The following PLXNA4 variants were observed in gnomAD, a reference collection of about 807,000 sequenced individuals.
PLXNA4 encodes the protein plexin-A4.
PLXNA4 carries 44 observed loss-of-function variants against 191.8 expected under a neutral mutation model. The ratio of observed to expected loss-of-function variants is 0.23; its 90% CI spans 0.18 to 0.29. The LOEUF is 0.29. PLXNA4 is among the 10% of genes least tolerant of loss of function. The pLI is 1.00. For missense variants in PLXNA4, 1,800 were observed against 2,488.8 expected (o/e 0.72, Z 5.89); for synonymous variants, 1,082 against 1,009.5 (o/e 1.07, Z -1.36).
intron 1 of PLXNA4, among the ~76,000 whole-genome samples, chr7:132,570,396 C>T (rs542468660): frequency 1.4e-4 from 21 of 152,318 alleles, no homozygotes; most frequent in Admixed American, 6.5e-4. Flanking sequence ...AGAACGGAAG[C>T]AATCCACCAG....
At chr7:132,341,399 T>G (rs1331076366) in intron 3 of PLXNA4, among the ~76,000 whole-genome samples, 3 of 152,204 alleles carry the variant, frequency 2.0e-5, no homozygotes, top group Non-Finnish European at 4.4e-5. Context: ...TAAGAAGCAT[T>G]CAATTTCAGA....
At chr7:132,166,208 A>G (rs1796118400) in intron 22 of PLXNA4, among the ~76,000 whole-genome samples, 1 of 151,314 alleles carries the variant, frequency 6.6e-6, no homozygotes, top group Non-Finnish European at 1.5e-5. Context: ...AAACAAACGA[A>G]CAAAGAAACA....
chr7:132,515,387 A>T (rs1414609358), intron 1 of PLXNA4, among the ~76,000 whole-genome samples: 1 of 152,060 alleles, frequency 6.6e-6, no homozygotes, highest in Non-Finnish European at 1.5e-5. Flanking sequence ...GTCAAAAAAA[A>T]TTTTTCCCCT....
chr7:132,241,516 A>G (rs1468500323), intron 4 of PLXNA4, among the ~76,000 whole-genome samples: 1 of 152,152 alleles, frequency 6.6e-6, no homozygotes, highest in Admixed American at 6.5e-5. Context: ...TTCATCATGT[A>G]TTTGTTTCCT....
In PLXNA4 at chr7:132,448,073, C is replaced by T. The variant is rs182571976; in HGVS notation, c.1371+41219G>A. On this transcript the variant is annotated intron_variant, in intron 3 of 31. Coordinates refer to ENST00000321063, the MANE Select transcript of PLXNA4 (RefSeq NM_020911.2). ...AAACGTATAGCATCTCTCACACCTT[C>T]TAGCTTCTGTCTCTGATAAGTACAT... is the stretch of plus-strand genomic sequence containing the variant. Among the ~76,000 whole-genome samples the T allele has an allele frequency of 3.3e-5, 5 of 152,296 alleles. 1 individual carries two copies. Among genetic ancestry groups the T allele is most frequent in the Admixed American group, 3.3e-4 (5 of 15,292 alleles).
chr7:132,514,410 T>A (rs1324562489), intron 1 of PLXNA4, among the ~76,000 whole-genome samples: 2 of 152,184 alleles, frequency 1.3e-5, no homozygotes, highest in African/African-American at 4.8e-5. Context: ...GATGTAAATA[T>A]GTGTGATGTA....
At chr7:132,536,041 T>C (rs1799818360) in intron 1 of PLXNA4, among the ~76,000 whole-genome samples, 1 of 152,224 alleles carries the variant, frequency 6.6e-6, no homozygotes, top group Non-Finnish European at 1.5e-5. Context: ...CATGCCAAAC[T>C]TGGAGAAAAA....
intron 7 of PLXNA4, 72 bp from the exon 8 acceptor site, chr7:132,226,332 C>A: frequency 2.2e-6 from 3 of 1,341,724 alleles, no homozygotes; most frequent in South Asian, 1.2e-5. Context: ...ACCAGTGACA[C>A]CTGCTGGAAA....
intron 1 of PLXNA4, among the ~76,000 whole-genome samples, chr7:132,567,852 C>T (rs1219297243): frequency 6.6e-6 from 1 of 152,168 alleles, no homozygotes; most frequent in African/African-American, 2.4e-5. Context: ...GAAGCAGGGG[C>T]TGACCCTACC....
intron 4 of PLXNA4, among the ~76,000 whole-genome samples, chr7:132,259,436 C>CAAAAAAAAAA: frequency 3.1e-3 from 105 of 33,866 alleles, no homozygotes; most frequent in East Asian, 7.4e-3. Context: ...AACTCCAACT[C>CAAAAAAAAAA]AAAAAAAAAA....
intron 14 of PLXNA4, among the ~76,000 whole-genome samples, chr7:132,189,730 G>A (rs751283692): frequency 8.8e-4 from 134 of 152,098 alleles, no homozygotes; most frequent in Non-Finnish European, 1.2e-3. Flanking sequence ...GGAGACTCTG[G>A]AAAGTGTGAT....
At chr7:132,343,559 C>T (rs1030251223) in intron 3 of PLXNA4, among the ~76,000 whole-genome samples, 2 of 152,190 alleles carry the variant, frequency 1.3e-5, no homozygotes, top group Non-Finnish European at 2.9e-5. Context: ...CTTCCAGAGC[C>T]CCCTGGCTTA....
chr7:132,128,561 C>T lies in PLXNA4; in HGVS notation c.*1918G>A, dbSNP rs1794842939. On this transcript the variant is annotated 3_prime_UTR_variant, in exon 32 of 32. Transcript: ENST00000321063. ...AGAAGGGGAACACTTCAAAAATCCT[C>T]CTACAAAGGACAAGAAATCCTTTTG... 2 of 152,156 alleles carry T rather than the reference C, an allele frequency of 1.3e-5. No homozygotes were observed. Among genetic ancestry groups the T allele is most frequent in the Non-Finnish European group, 2.9e-5 (2 of 68,042 alleles). 9.4% of individuals were successfully genotyped at this position (152,156 alleles called of 1,614,324 possible).
At chr7:132,459,173 T>G in intron 3 of PLXNA4, among the ~76,000 whole-genome samples, 1 of 152,238 alleles carries the variant, frequency 6.6e-6, no homozygotes, top group Non-Finnish European at 1.5e-5. Flanking sequence ...TTTGGGCTGC[T>G]GTCTGATCTA....
intron 4 of PLXNA4, among the ~76,000 whole-genome samples, chr7:132,272,508 T>A (rs1238278597): frequency 3.3e-5 from 5 of 152,216 alleles, no homozygotes; most frequent in Non-Finnish European, 7.3e-5. Context: ...ACCAGAATGA[T>A]CTGTTTGATC....
chr7:132,177,160 T>A (rs1014464027), intron 20 of PLXNA4, among the ~76,000 whole-genome samples: 2 of 151,090 alleles, frequency 1.3e-5, no homozygotes, highest in Middle Eastern at 3.5e-3. Flanking sequence ...CATGTATGTG[T>A]GAGTGCACGA....
At chr7:132,190,935 G>A (rs965450229) in intron 14 of PLXNA4, among the ~76,000 whole-genome samples, 9 of 152,338 alleles carry the variant, frequency 5.9e-5, no homozygotes, top group African/African-American at 1.4e-4. Flanking sequence ...ATGGGGTGGG[G>A]TGCAGGGCCT....
intron 3 of PLXNA4, among the ~76,000 whole-genome samples, chr7:132,437,006 C>T (rs1795496083): frequency 6.6e-6 from 1 of 152,234 alleles, no homozygotes; most frequent in African/African-American, 2.4e-5. Context: ...CCTACAGATG[C>T]TCCATCGCCA....
intron 4 of PLXNA4, among the ~76,000 whole-genome samples, chr7:132,261,402 A>T (rs913195932): frequency 6.6e-6 from 1 of 152,242 alleles, no homozygotes; most frequent in Non-Finnish European, 1.5e-5. Context: ...CAGTGTGTGC[A>T]CATGTGGGAG....
Sources: gnomAD v4.1 joint callset for allele counts (sites outside exome capture counted in the v4.1 genomes callset) on GRCh38, gnomAD v4.1.1 for gene constraint, MANE v1.5 for transcripts, NCBI Gene and HGNC (gene_info 2026-07-23, HGNC 2026-07-21) for gene names.